The following CNTN4 variants were observed in gnomAD, a reference collection of about 807,000 sequenced individuals.
CNTN4 encodes contactin-4.
In CNTN4, 77 loss-of-function variants were observed where a neutral mutation model predicts 122.5. The observed-to-expected ratio is 0.63, with a 90% confidence interval of 0.52 to 0.76. The LOEUF (loss-of-function observed/expected upper bound fraction) is 0.76, where lower values mean the gene tolerates loss of function less well. Among genes scored for constraint, CNTN4 ranks in the 30% least tolerant of loss-of-function variants. The pLI is 0.00. For missense variants in CNTN4, 1,256 were observed against 1,259.1 expected (o/e 1.00, Z 0.04); for synonymous variants, 512 against 447.0 (o/e 1.15, Z -1.83).
chr3:2,706,392 T>G (rs2728034), intron 4 of CNTN4, among the ~76,000 whole-genome samples: 22,781 of 152,058 alleles, frequency 0.15, 2,265 homozygotes, highest in African/African-American at 0.28. Context: ...CTTGTTAACT[T>G]TAAGGAAGGT....
rs117466411 is a variant in CNTN4 at position 2,224,489 on chromosome 3, C to T, written c.-144-114689C>T. Among the ~76,000 whole-genome samples, 4 of 152,204 alleles carry T rather than the reference C, an allele frequency of 2.6e-5. No individual in the cohort carries two copies. In the East Asian group the frequency reaches 7.7e-4, roughly 29 times the overall value. On this transcript the variant is annotated intron_variant, in intron 2 of 24. Coordinates refer to ENST00000418658, the MANE Select transcript of CNTN4 (RefSeq NM_175607.3). ...TGCACATGAGTTCCTCCAAATTCTACCTGGGTCCTTTCCCCTTATTATTCA... is the reference window on the plus strand; with the variant it reads ...TGCACATGAGTTCCTCCAAATTCTATCTGGGTCCTTTCCCCTTATTATTCA...
chr3:2,592,591 C>G (rs544010573), intron 4 of CNTN4, among the ~76,000 whole-genome samples: 1 of 152,300 alleles, frequency 6.6e-6, no homozygotes, highest in East Asian at 1.9e-4. Context: ...TGCACAAACT[C>G]TCTCTTTTTG....
At chr3:2,824,138 GC>G (rs1260517739) in intron 7 of CNTN4, among the ~76,000 whole-genome samples, 1 of 143,812 alleles carries the variant, frequency 7.0e-6, no homozygotes, top group African/African-American at 2.6e-5. Flanking sequence ...ATAAATCTGG[GC>G]TAGGGTCCCC....
chr3:3,043,766 A>T (rs1700372473), intron 23 of CNTN4, 62 bp downstream of exon 23: 1 of 1,046,656 alleles, frequency 9.6e-7, no homozygotes, highest in Non-Finnish European at 1.5e-6. Context: ...AGTCTCCTCC[A>T]TGAATTATAC....
chr3:2,289,025 A>G (rs1294517144), intron 2 of CNTN4, among the ~76,000 whole-genome samples: 1 of 152,214 alleles, frequency 6.6e-6, no homozygotes, highest in African/African-American at 2.4e-5. Context: ...ATCCAATCCC[A>G]TACCCAGTGA....
At chr3:2,791,315 T>G (rs1017277881) in intron 6 of CNTN4, among the ~76,000 whole-genome samples, 2 of 152,148 alleles carry the variant, frequency 1.3e-5, no homozygotes, top group African/African-American at 4.8e-5. Flanking sequence ...GCTGATCACT[T>G]GAGCCCAGGA....
At chr3:2,915,862 A>G (rs1384538428) in intron 12 of CNTN4, among the ~76,000 whole-genome samples, 1 of 152,218 alleles carries the variant, frequency 6.6e-6, no homozygotes, top group Non-Finnish European at 1.5e-5. Flanking sequence ...ATGGACTATT[A>G]TTTCTGTTAT....
In CNTN4 at chr3:2,836,961, A is replaced by G. The variant is rs187499743; in HGVS notation, c.454+17380A>G. On this transcript the variant is annotated intron_variant, in intron 7 of 24. Coordinates refer to ENST00000418658, the MANE Select transcript of CNTN4 (RefSeq NM_175607.3). The stretch of plus-strand genomic sequence containing the variant: ...AATCTGCTTAATGACAGCCAATATT[A>G]TATTTAACAGAGGACGTAAAGACAA... Among the ~76,000 whole-genome samples the G allele has an allele frequency of 3.3e-5, 5 of 152,324 alleles. No homozygotes were observed. In the East Asian group the frequency reaches 7.7e-4, roughly 23 times the overall value.
At chr3:2,358,369 C>A (rs1431039804) in intron 3 of CNTN4, among the ~76,000 whole-genome samples, 1 of 151,960 alleles carries the variant, frequency 6.6e-6, no homozygotes, top group Non-Finnish European at 1.5e-5. Flanking sequence ...CAGTGCTTGG[C>A]ATAGGAAGCA....
intron 4 of CNTN4, among the ~76,000 whole-genome samples, chr3:2,693,822 G>A (rs1371646838): frequency 6.6e-6 from 1 of 152,116 alleles, no homozygotes; most frequent in Non-Finnish European, 1.5e-5. Context: ...TTGATAAACT[G>A]AGTCTCTGTA....
chr3:2,586,062 G>C (rs1354389636), intron 4 of CNTN4, among the ~76,000 whole-genome samples: 1 of 152,116 alleles, frequency 6.6e-6, no homozygotes, highest in Non-Finnish European at 1.5e-5. Context: ...ACTGGGCTCA[G>C]AGTAGCCCTA....
At chr3:2,328,355 A>G (rs13059272) in intron 2 of CNTN4, among the ~76,000 whole-genome samples, 69,233 of 146,896 alleles carry the variant, frequency 0.47, 18,054 homozygotes, top group East Asian at 0.86. Context: ...GCGGTGAGCC[A>G]AGATGGCGCC....
chr3:2,955,063 G>C (rs1438662432), intron 13 of CNTN4, among the ~76,000 whole-genome samples: 5 of 152,066 alleles, frequency 3.3e-5, no homozygotes, highest in African/African-American at 4.8e-5. Context: ...TTTAATATTA[G>C]CTAAAGCAGA....
At chr3:2,281,333 T>TAA (rs2041706402) in intron 2 of CNTN4, among the ~76,000 whole-genome samples, 1 of 152,250 alleles carries the variant, frequency 6.6e-6, no homozygotes, top group East Asian at 1.9e-4. Flanking sequence ...GTGAGCATGA[T>TAA]AAAATGCCTA....
chr3:2,300,778 C>T (rs1382834714), intron 2 of CNTN4, among the ~76,000 whole-genome samples: 1 of 151,776 alleles, frequency 6.6e-6, no homozygotes, highest in African/African-American at 2.4e-5. Context: ...ACCATGTTGG[C>T]CAGGATGGTC....
At chr3:2,497,867 C>T (rs949182725) in intron 3 of CNTN4, among the ~76,000 whole-genome samples, 4 of 152,126 alleles carry the variant, frequency 2.6e-5, no homozygotes, top group Non-Finnish European at 4.4e-5. Context: ...TTGTCTAGCT[C>T]TTCAATATGA....
At chr3:2,487,036 C>T (rs1265343178) in intron 3 of CNTN4, among the ~76,000 whole-genome samples, 1 of 152,074 alleles carries the variant, frequency 6.6e-6, no homozygotes, top group African/African-American at 2.4e-5. Flanking sequence ...CACCAAATTC[C>T]TGCTACCTTC....
chr3:2,340,042 C>T (rs1482743501), intron 3 of CNTN4, among the ~76,000 whole-genome samples: 1 of 152,128 alleles, frequency 6.6e-6, no homozygotes, highest in Non-Finnish European at 1.5e-5. Context: ...TATTCTTCTT[C>T]TTAGGAAGAT....
At chr3:2,612,617 G>C (rs1285230304) in intron 4 of CNTN4, among the ~76,000 whole-genome samples, 1 of 152,116 alleles carries the variant, frequency 6.6e-6, no homozygotes. Flanking sequence ...ACTGCTTTTA[G>C]CTGGGTAGAA....
Sources: allele counts gnomAD v4.1 joint callset (sites outside exome capture counted in the v4.1 genomes callset), GRCh38; gene constraint gnomAD v4.1.1; transcripts MANE v1.5; gene names NCBI Gene and HGNC (gene_info 2026-07-23, HGNC 2026-07-21).